The following ABLIM2 variants were observed in gnomAD, a reference collection of about 807,000 sequenced individuals.
ABLIM2 encodes actin binding LIM protein family member 2.
ABLIM2 carries 53 observed loss-of-function variants against 97.7 expected under a neutral mutation model. That is an observed-to-expected ratio of 0.54 (90% confidence interval 0.44 to 0.68). The LOEUF (loss-of-function observed/expected upper bound fraction) is 0.68, where lower values mean the gene tolerates loss of function less well. Ranked by LOEUF, ABLIM2 falls within the 30% of genes least tolerant of loss-of-function variation. The pLI, the probability that ABLIM2 is intolerant of heterozygous loss-of-function variation, is 0.00. For synonymous variants in ABLIM2, 361 were observed against 345.8 expected (o/e 1.04, Z -0.49); for missense variants, 835 against 867.2 (o/e 0.96, Z 0.47).
In ABLIM2 at chr4:8,068,505, C is replaced by T. The variant is rs1029575821; in HGVS notation, c.676-7451G>A. 5.9e-5 allele frequency among the ~76,000 whole-genome samples: 9 copies of T among 152,248 alleles called. No individual in the cohort carries two copies. Among genetic ancestry groups the T allele is most frequent in the Non-Finnish European group, 1.0e-4 (7 of 68,038 alleles). On this transcript the variant is annotated intron_variant, in intron 6 of 20. Coordinates refer to ENST00000447017, the MANE Select transcript of ABLIM2 (RefSeq NM_001130083.2). This position sits in a 1 kb window ranked among gnomAD's most constrained non-coding sequence, Gnocchi z 4.5. ...AGCTGTCCCGCCTCCAGAAACCCCT[C>T]CTGTCCCAGCAGAGGAGAGCTAGTG...
At chr4:8,029,813 G>T (rs199626550) in intron 10 of ABLIM2, 37 bp from the exon 11 acceptor site, 4 of 1,552,184 alleles carry the variant, frequency 2.6e-6, no homozygotes, top group Middle Eastern at 3.4e-4. Flanking sequence ...CACTGGAGCC[G>T]GGAGCACTTC....
At position 8,131,696 on chromosome 4, in the gene ABLIM2, C is replaced by G. The variant is rs1578429578; in HGVS notation, c.11-25059G>C. Among the ~76,000 whole-genome samples the G allele has an allele frequency of 4.6e-5, 4 of 87,274 alleles. No individual in the cohort carries two copies. The South Asian group carries it at 1.8e-3, about 39-fold the overall frequency. The allele number at this position is 87,274 out of a possible 152,430, so 57.3% of individuals were successfully genotyped here. On this transcript the variant is annotated intron_variant, in intron 1 of 20. Coordinates refer to ENST00000447017, the MANE Select transcript of ABLIM2 (RefSeq NM_001130083.2). ...CCCTGAGCACAGCAGCCCGCATCCC[C>G]AGCACAGCAGCCCGCATCCCTGAGC...
Position 8,155,362 on chromosome 4 carries a change from C to G in ABLIM2, c.10+3318G>C, listed in dbSNP as rs1023786969. 6.6e-6 allele frequency among the ~76,000 whole-genome samples: 1 copy of G among 152,214 alleles called. No homozygotes were observed. The highest frequency in any genetic ancestry group is 1.5e-5 in the Non-Finnish European group (1 of 68,044). ...ATCTGCACCGTCCACAGTCTGGGGA[C>G]TAGGGCTCAGGTTCGGGCTCTGCCA... On this transcript the variant is annotated intron_variant, in intron 1 of 20. Transcript: ENST00000447017. This position sits in a 1 kb window ranked among gnomAD's most constrained non-coding sequence, Gnocchi z 4.2.
intron 14 of ABLIM2, among the ~76,000 whole-genome samples, chr4:8,011,671 T>C (rs745524657): frequency 1.1e-4 from 16 of 152,228 alleles, no homozygotes; most frequent in Non-Finnish European, 1.8e-4. Flanking sequence ...CAGAAAAAGA[T>C]CAACTCAGGA....
intron 20 of ABLIM2, among the ~76,000 whole-genome samples, chr4:7,976,298 C>G (rs535402957): frequency 6.6e-6 from 1 of 152,134 alleles, no homozygotes; most frequent in Non-Finnish European, 1.5e-5. Flanking sequence ...CATCTGCATC[C>G]ATCCACTTCT....
At chr4:7,981,470 C>A (rs1189222845) in intron 20 of ABLIM2, among the ~76,000 whole-genome samples, 1 of 152,192 alleles carries the variant, frequency 6.6e-6, no homozygotes, top group Non-Finnish European at 1.5e-5. Flanking sequence ...TGTAACCCAA[C>A]CACCGTGGGC....
In ABLIM2 at chr4:8,054,077, C is replaced by T. The variant is rs995207413; in HGVS notation, c.822+111G>A. ...GCCTGGCTGCCCCCATCCTGCAGCC[C>T]GTGGGACTGGACAATGAGCCTGTAG... is the stretch of plus-strand genomic sequence containing the variant. On this transcript the variant is annotated intron_variant, in intron 8 of 20. Coordinates refer to ENST00000447017, the MANE Select transcript of ABLIM2 (RefSeq NM_001130083.2). The surrounding 1 kb of genome is among the most constrained non-coding windows in gnomAD (Gnocchi z 4.9). 18 of 1,277,192 alleles carry T rather than the reference C, an allele frequency of 1.4e-5. No individual in the cohort carries two copies. The highest frequency in any genetic ancestry group is 1.8e-4 in the Middle Eastern group (1 of 5,410). The allele number at this position is 1,277,192 out of a possible 1,614,324, so 79.1% of individuals were successfully genotyped here.
In ABLIM2 at chr4:7,996,300, G is replaced by C. The variant is rs1406556973; in HGVS notation, c.1619-3373C>G. On this transcript the variant is annotated intron_variant, in intron 16 of 20. Transcript: ENST00000447017. The surrounding 1 kb of genome is among the most constrained non-coding windows in gnomAD (Gnocchi z 4.5). ...CCATTCCGATGCACACTGGCCTACT[G>C]CCTCGAGAACAGAGAACACCCTTGG... 6.6e-6 allele frequency among the ~76,000 whole-genome samples: 1 copy of C among 152,186 alleles called. No homozygotes were observed. Among genetic ancestry groups the C allele is most frequent in the Non-Finnish European group, 1.5e-5 (1 of 68,034 alleles).
chr4:8,139,014 T>C (rs766955685), intron 1 of ABLIM2, among the ~76,000 whole-genome samples: 1 of 152,216 alleles, frequency 6.6e-6, no homozygotes, highest in Non-Finnish European at 1.5e-5. Flanking sequence ...CTGGCCAACA[T>C]GGCGAAACGC....
rs1039860837 is a variant in ABLIM2 at position 8,015,414 on chromosome 4, A to G, written c.1423+4204T>C. Among the ~76,000 whole-genome samples the G allele has an allele frequency of 2.6e-5, 4 of 152,018 alleles. No individual in the cohort carries two copies. In the South Asian group the frequency reaches 8.3e-4, roughly 32 times the overall value. ...AGCCTCAGTGGGGGCTTCCCAGTGC[A>G]ATCCGCACTCTGGACACAGCCTGCC... On this transcript the variant is annotated intron_variant, in intron 14 of 20. Transcript: ENST00000447017. The surrounding 1 kb of genome is among the most constrained non-coding windows in gnomAD (Gnocchi z 4.6).
At chr4:7,984,918 G>A (rs755622136) in intron 17 of ABLIM2, 25 bp from the exon 18 acceptor site, 8 of 1,605,336 alleles carry the variant, frequency 5.0e-6, no homozygotes, top group Admixed American at 1.7e-5. Context: ...GAGGTTGGGC[G>A]GCAAGAGACA....
intron 1 of ABLIM2, among the ~76,000 whole-genome samples, chr4:8,119,880 C>A (rs1844500941): frequency 6.6e-6 from 1 of 152,144 alleles, no homozygotes; most frequent in Non-Finnish European, 1.5e-5. Context: ...GGGTTCCCAG[C>A]CCAGTGGGAA....
chr4:7,977,484 A>G (rs1223970334), intron 20 of ABLIM2, among the ~76,000 whole-genome samples: 10 of 152,182 alleles, frequency 6.6e-5, no homozygotes, highest in Admixed American at 6.6e-4. Context: ...GTGGGCCACC[A>G]TATTGCCATT....
intron 1 of ABLIM2, among the ~76,000 whole-genome samples, chr4:8,152,399 G>A (rs56289339): frequency 1.4e-4 from 22 of 152,268 alleles, no homozygotes; most frequent in East Asian, 5.8e-4. Flanking sequence ...GCCACCGGCC[G>A]CTCCGAGCAG....
chr4:8,035,334 C>T (rs1415618853), intron 10 of ABLIM2, among the ~76,000 whole-genome samples: 1 of 152,154 alleles, frequency 6.6e-6, no homozygotes, highest in Admixed American at 6.5e-5. Context: ...CCATCCGCAT[C>T]GAACGCGCTG....
intron 1 of ABLIM2, among the ~76,000 whole-genome samples, chr4:8,134,920 G>A (rs985577446): frequency 2.0e-5 from 3 of 152,218 alleles, no homozygotes; most frequent in Non-Finnish European, 4.4e-5. Context: ...TCTCCACTAG[G>A]TGCACACAAG....
At position 8,127,753 on chromosome 4, in the gene ABLIM2, T is replaced by G. The variant is rs1848634080; in HGVS notation, c.11-21116A>C. On this transcript the variant is annotated intron_variant, in intron 1 of 20. Transcript: ENST00000447017. The surrounding 1 kb of genome is among the most constrained non-coding windows in gnomAD (Gnocchi z 7.3). ...CCCGGGGAGGGGCAGAGCCAAGCCC[T>G]TCCCGGCACACTGAAATAGACTCCC... 1.0e-6 allele frequency: 1 copy of G among 969,754 alleles called. No homozygotes were observed. Among genetic ancestry groups the G allele is most frequent in the Non-Finnish European group, 1.2e-6 (1 of 815,902 alleles). 60.1% of individuals were successfully genotyped at this position (969,754 alleles called of 1,614,324 possible). A position where few individuals can be genotyped will look rare whatever the true frequency, so the allele number is the denominator to read the frequency against.
chr4:8,014,787 G>C (rs1426406017), intron 14 of ABLIM2, among the ~76,000 whole-genome samples: 1 of 152,206 alleles, frequency 6.6e-6, no homozygotes, highest in Non-Finnish European at 1.5e-5. Context: ...CTGCTCCCTG[G>C]TTGTCAGGAT....
intron 14 of ABLIM2, among the ~76,000 whole-genome samples, chr4:8,012,821 C>T (rs1422609590): frequency 6.6e-6 from 1 of 152,208 alleles, no homozygotes; most frequent in Non-Finnish European, 1.5e-5. Context: ...TCCATTCATC[C>T]ATTCCTCTCT....
Sources: gnomAD v4.1 joint callset for allele counts (sites outside exome capture counted in the v4.1 genomes callset) on GRCh38, gnomAD v4.1.1 for gene constraint, Gnocchi (gnomAD v3.1) non-coding constraint, MANE v1.5 for transcripts, NCBI Gene and HGNC (gene_info 2026-07-23, HGNC 2026-07-21) for gene names.